The following SLC4A5 variants were observed in gnomAD, a reference collection of about 807,000 sequenced individuals.
SLC4A5 encodes the protein electrogenic sodium bicarbonate cotransporter 4.
Under a neutral mutation model 120.4 loss-of-function variants are expected in SLC4A5, and 96 were observed. That is an observed-to-expected ratio of 0.80 (90% confidence interval 0.68 to 0.94). SLC4A5 has a LOEUF of 0.94. Ranked by LOEUF, SLC4A5 falls within the 40% of genes least tolerant of loss-of-function variation. The probability of loss-of-function intolerance (pLI) is 0.00; values close to 1 mark genes in which losing one functional copy is unlikely to be tolerated. For synonymous variants in SLC4A5, 550 were observed against 571.1 expected, an observed-to-expected ratio of 0.96 and a Z score of 0.53; for missense variants, 1,259 against 1,459.5, an observed-to-expected ratio of 0.86 and a Z score of 2.24.
intron 6 of SLC4A5, among the ~76,000 whole-genome samples, chr2:74,309,887 C>G (rs1250462884): frequency 6.6e-6 from 1 of 151,958 alleles, no homozygotes; most frequent in African/African-American, 2.4e-5. Flanking sequence ...TGGTCTTCAT[C>G]TCCTGACCTC....
chr2:74,256,393 G>A (rs1670966291), intron 12 of SLC4A5, among the ~76,000 whole-genome samples: 2 of 152,218 alleles, frequency 1.3e-5, no homozygotes, highest in African/African-American at 2.4e-5. Flanking sequence ...GAGTAAACAG[G>A]CCTTATTTTC....
chr2:74,233,103 CCT>C (rs1056199259), intron 23 of SLC4A5, among the ~76,000 whole-genome samples: 3 of 152,138 alleles, frequency 2.0e-5, no homozygotes, highest in Non-Finnish European at 2.9e-5. Flanking sequence ...AGGCTGAGCC[CCT>C]GTCAGGATCT....
chr2:74,336,598 T>C (rs1482421046), intron 3 of SLC4A5, among the ~76,000 whole-genome samples: 1 of 152,142 alleles, frequency 6.6e-6, no homozygotes, highest in Non-Finnish European at 1.5e-5. Context: ...ACTATTATCC[T>C]CATTTACAGA....
chr2:74,216,535 A>G (rs1694450105), exon 31 of SLC4A5: 1 of 152,192 alleles, frequency 6.6e-6, no homozygotes, highest in African/African-American at 2.4e-5. Flanking sequence ...CCAGGTTTTA[A>G]AACTGAAATG....
intron 6 of SLC4A5, among the ~76,000 whole-genome samples, chr2:74,305,129 A>C (rs1197719235): frequency 2.6e-5 from 4 of 152,222 alleles, no homozygotes; most frequent in Non-Finnish European, 5.9e-5. Context: ...TTATCAGAAA[A>C]GTGAGTTATT....
intron 8 of SLC4A5, among the ~76,000 whole-genome samples, chr2:74,269,126 C>T (rs959084899): frequency 2.6e-5 from 4 of 152,124 alleles, no homozygotes; most frequent in African/African-American, 9.7e-5. Context: ...AGATCCAAGA[C>T]TATGTGATAT....
chr2:74,273,832 A>T (rs1366829779), intron 8 of SLC4A5, among the ~76,000 whole-genome samples: 1 of 152,208 alleles, frequency 6.6e-6, no homozygotes, highest in Non-Finnish European at 1.5e-5. Flanking sequence ...TGACAGAGGC[A>T]CTAAAAAATG....
At chr2:74,303,607 G>T (rs1223637405) in intron 7 of SLC4A5, among the ~76,000 whole-genome samples, 1 of 152,166 alleles carries the variant, frequency 6.6e-6, no homozygotes, top group South Asian at 2.1e-4. Flanking sequence ...CCATAGGAAA[G>T]AGCAAAAGAC....
chr2:74,263,243 G>C (rs977711071), intron 10 of SLC4A5, among the ~76,000 whole-genome samples: 10 of 152,140 alleles, frequency 6.6e-5, no homozygotes, highest in African/African-American at 2.4e-4. Context: ...TGGGGTTTAA[G>C]CCATGAGGTT....
intron 4 of SLC4A5, among the ~76,000 whole-genome samples, chr2:74,328,761 G>T (rs908574926): frequency 6.6e-6 from 1 of 152,226 alleles, no homozygotes; most frequent in Non-Finnish European, 1.5e-5. Context: ...GGACTGCTGA[G>T]ATGTTGATAA....
intron 7 of SLC4A5, among the ~76,000 whole-genome samples, chr2:74,286,695 C>A (rs1034046419): frequency 4.6e-5 from 7 of 152,136 alleles, no homozygotes; most frequent in African/African-American, 1.4e-4. Context: ...CCATTTCAAT[C>A]ATAAGTTGTC....
At chr2:74,342,773 A>T (rs1673655471) in intron 1 of SLC4A5, among the ~76,000 whole-genome samples, 1 of 152,178 alleles carries the variant, frequency 6.6e-6, no homozygotes, top group Non-Finnish European at 1.5e-5. Flanking sequence ...AAAGACCTCA[A>T]GAAACAGATC....
intron 4 of SLC4A5, among the ~76,000 whole-genome samples, chr2:74,331,298 G>A (rs933383181): frequency 2.3e-4 from 35 of 151,122 alleles, no homozygotes; most frequent in Admixed American, 1.8e-3. Flanking sequence ...AGGTGGTGAC[G>A]TCTAGATGGA....
In SLC4A5 at chr2:74,232,707, A is replaced by G. The variant is rs1670133131; in HGVS notation, c.2596-60T>C. On this transcript the variant is annotated intron_variant, in intron 23 of 30. Transcript: ENST00000394019. Reference sequence around the variant, plus strand: ...TGGGGAGCCAGTTCCTCCTGGATGCAACCATTCTGTGGAACATGGTTCAAG... The same window carrying G: ...TGGGGAGCCAGTTCCTCCTGGATGCGACCATTCTGTGGAACATGGTTCAAG... The G allele has an allele frequency of 1.6e-5, 25 of 1,581,828 alleles. No homozygotes were observed. The South Asian group carries it at 2.7e-4, about 17-fold the overall frequency.
At chr2:74,332,697 G>A (rs941449728) in intron 4 of SLC4A5, among the ~76,000 whole-genome samples, 1 of 151,034 alleles carries the variant, frequency 6.6e-6, no homozygotes, top group African/African-American at 2.4e-5. Context: ...GCAGAGGGGT[G>A]TCCATTTGTG....
chr2:74,326,737 T>G (rs375515845), intron 5 of SLC4A5, among the ~76,000 whole-genome samples: 24 of 152,124 alleles, frequency 1.6e-4, no homozygotes, highest in South Asian at 6.2e-4. Flanking sequence ...AGCAATTGCT[T>G]GAATCCAGGA....
intron 7 of SLC4A5, chr2:74,290,361 A>T: frequency 1.0e-6 from 1 of 985,298 alleles, no homozygotes; most frequent in South Asian, 4.7e-5. Context: ...TTCTTCACAC[A>T]ACAAACTCAC....
At chr2:74,290,534 GATT>G (rs1251108999) in intron 7 of SLC4A5, 1 of 984,936 alleles carries the variant, frequency 1.0e-6, no homozygotes, top group African/African-American at 1.7e-5. Flanking sequence ...GTGTGAGAAA[GATT>G]ATGCAAAAGT....
rs1671225901 is a variant in SLC4A5, at chr2:74,264,113, T to C, written c.715+34A>G. On this transcript the variant is annotated intron_variant, in intron 10 of 30. Coordinates refer to ENST00000394019, the Ensembl canonical transcript of SLC4A5. Reference sequence around the variant, plus strand: ...ACCAGGGCCTGATACTGGCCCTGCATGTCCCATGCCTACCAGCGTAAGGCC... The same window carrying C: ...ACCAGGGCCTGATACTGGCCCTGCACGTCCCATGCCTACCAGCGTAAGGCC... The C allele has an allele frequency of 2.5e-6, 4 of 1,603,048 alleles. No homozygotes were observed. The South Asian group carries it at 3.4e-5, about 13-fold the overall frequency.
Sources: gnomAD v4.1 joint callset for allele counts (sites outside exome capture counted in the v4.1 genomes callset) on GRCh38, gnomAD v4.1.1 for gene constraint, MANE v1.5 for transcripts, NCBI Gene and HGNC (gene_info 2026-07-23, HGNC 2026-07-21) for gene names.